CASQ2: variants seen among roughly 807,000 people sequenced by gnomAD.
CASQ2 encodes calsequestrin-2.
Under a neutral mutation model 46.5 loss-of-function variants are expected in CASQ2, and 49 were observed. That is an observed-to-expected ratio of 1.05 (90% CI 0.84 to 1.34). The LOEUF is 1.34. Among genes scored for constraint, CASQ2 ranks in the 40% most tolerant of loss-of-function variants. CASQ2 has a pLI of 0.00. For missense variants in CASQ2, 486 were observed against 481.3 expected (o/e 1.01, Z -0.09); for synonymous variants, 174 against 168.5 (o/e 1.03, Z -0.25).
At chr1:115,735,183 A>C (rs1402155720) in intron 4 of CASQ2, among the ~76,000 whole-genome samples, 1 of 152,248 alleles carries the variant, frequency 6.6e-6, no homozygotes, top group Non-Finnish European at 1.5e-5. Context: ...TTTGCCTGTG[A>C]ATCTGCATTC....
At chr1:115,740,324 C>T (rs1260628358) in intron 3 of CASQ2, among the ~76,000 whole-genome samples, 2 of 152,178 alleles carry the variant, frequency 1.3e-5, no homozygotes, top group African/African-American at 4.8e-5. Flanking sequence ...CTATGTTGCT[C>T]TGAGGGTGGC....
At chr1:115,732,403 T>C (rs1647819920) in intron 5 of CASQ2, among the ~76,000 whole-genome samples, 1 of 152,216 alleles carries the variant, frequency 6.6e-6, no homozygotes, top group African/African-American at 2.4e-5. Flanking sequence ...ATCATATACA[T>C]GAACTGAATG....
chr1:115,724,474 T>C (rs144992621), intron 7 of CASQ2, among the ~76,000 whole-genome samples: 4 of 152,286 alleles, frequency 2.6e-5, no homozygotes, highest in Non-Finnish European at 4.4e-5. Flanking sequence ...GACTAATTAA[T>C]AATACTTGTT....
chr1:115,732,369 G>A (rs1199919859), intron 5 of CASQ2, among the ~76,000 whole-genome samples: 1 of 152,184 alleles, frequency 6.6e-6, no homozygotes, highest in Non-Finnish European at 1.5e-5. Flanking sequence ...CTTGAAGACT[G>A]GGCCATGTCT....
chr1:115,724,451 C>T (rs72993504), intron 7 of CASQ2, among the ~76,000 whole-genome samples: 7,161 of 152,210 alleles, frequency 0.047, 565 homozygotes, highest in African/African-American at 0.16. Context: ...TACAGGCGTG[C>T]CCCACTATGC....
intron 1 of CASQ2, among the ~76,000 whole-genome samples, chr1:115,746,815 A>G (rs980043596): frequency 8.5e-5 from 13 of 152,158 alleles, no homozygotes; most frequent in Admixed American, 8.5e-4. Flanking sequence ...ATAATTGTAC[A>G]TATCCATAGG....
intron 8 of CASQ2, among the ~76,000 whole-genome samples, chr1:115,705,556 A>G (rs1654333617): frequency 6.6e-6 from 1 of 152,242 alleles, no homozygotes; most frequent in South Asian, 2.1e-4. Context: ...TTCATTTGTG[A>G]AAACTGCCCA....
chr1:115,726,141 C>T (rs1462011285), intron 6 of CASQ2, among the ~76,000 whole-genome samples: 1 of 152,144 alleles, frequency 6.6e-6, no homozygotes, highest in Non-Finnish European at 1.5e-5. Flanking sequence ...TAGGACTGTC[C>T]AGGTGAGGGG....
intron 4 of CASQ2, among the ~76,000 whole-genome samples, chr1:115,735,332 G>A (rs376931421): frequency 1.6e-4 from 25 of 152,234 alleles, no homozygotes; most frequent in Admixed American, 7.2e-4. Flanking sequence ...GGTTAACTGC[G>A]CAAGAATTTT....
chr1:115,703,667 T>C (rs1046821988), intron 9 of CASQ2, among the ~76,000 whole-genome samples: 2 of 152,184 alleles, frequency 1.3e-5, no homozygotes, highest in East Asian at 3.9e-4. Context: ...TGGTGGCTCA[T>C]GCTTGTAGTC....
Position 115,765,254 on chromosome 1 carries a change from A to G in CASQ2, c.234+3054T>C, listed in dbSNP as rs1365532761. On this transcript the variant is annotated intron_variant, in intron 1 of 10. Coordinates refer to ENST00000261448, the MANE Select transcript of CASQ2 (RefSeq NM_001232.4). The stretch of plus-strand genomic sequence containing the variant: ...CCACAGCATCTATCCCAGGGCCCCA[A>G]CAAAAATTAGGTGGCAGATGCATGA... Among the ~76,000 whole-genome samples, 4 of 152,312 alleles carry G rather than the reference A, an allele frequency of 2.6e-5. No homozygotes were observed. The South Asian group carries it at 6.2e-4, about 24-fold the overall frequency.
At chr1:115,727,228 A>T (rs533529221) in intron 5 of CASQ2, 106 bp from the exon 6 acceptor site, 2 of 872,904 alleles carry the variant, frequency 2.3e-6, no homozygotes, top group Admixed American at 3.9e-5. Flanking sequence ...AAGACATAAA[A>T]ACAGATGTAC....
chr1:115,741,764 T>C (rs984957119), intron 2 of CASQ2, among the ~76,000 whole-genome samples: 1 of 152,222 alleles, frequency 6.6e-6, no homozygotes, highest in Non-Finnish European at 1.5e-5. Context: ...CAAATGCTTG[T>C]TGGAAAAATG....
chr1:115,733,258 A>C (rs961441811), intron 4 of CASQ2, among the ~76,000 whole-genome samples: 1 of 152,158 alleles, frequency 6.6e-6, no homozygotes, highest in Non-Finnish European at 1.5e-5. Flanking sequence ...AGGAAAAGAG[A>C]GAGAAAAAGA....
intron 2 of CASQ2, among the ~76,000 whole-genome samples, chr1:115,743,687 ATCTTT>A (rs1162828125): frequency 1.2e-5 from 1 of 81,648 alleles, no homozygotes; most frequent in Non-Finnish European, 3.1e-5. Context: ...GCCACCACTA[ATCTTT>A]TTTTTTTTTT....
intron 1 of CASQ2, among the ~76,000 whole-genome samples, chr1:115,762,585 T>C (rs1310659889): frequency 6.6e-6 from 1 of 152,168 alleles, no homozygotes; most frequent in Non-Finnish European, 1.5e-5. Flanking sequence ...GAATATAAAA[T>C]GAAAAGTGCC....
At chr1:115,752,613 G>A (rs1205042978) in intron 1 of CASQ2, among the ~76,000 whole-genome samples, 1 of 152,148 alleles carries the variant, frequency 6.6e-6, no homozygotes, top group Non-Finnish European at 1.5e-5. Context: ...GGGGTGTGCA[G>A]GAGAACAGGC....
chr1:115,726,800 G>A (rs1002306293), intron 6 of CASQ2, among the ~76,000 whole-genome samples, 192 bp downstream of exon 6: 1 of 152,174 alleles, frequency 6.6e-6, no homozygotes, highest in Non-Finnish European at 1.5e-5. Flanking sequence ...GCTTGCAGGT[G>A]CAGACTTAGA....
chr1:115,704,982 C>T (rs1035947798), intron 9 of CASQ2, among the ~76,000 whole-genome samples: 1 of 152,222 alleles, frequency 6.6e-6, no homozygotes, highest in Admixed American at 6.5e-5. Flanking sequence ...TTTTCAACTC[C>T]TGGACTCCAG....
Sources: allele counts gnomAD v4.1 joint callset (sites outside exome capture counted in the v4.1 genomes callset), GRCh38; gene constraint gnomAD v4.1.1; transcripts MANE v1.5; gene names NCBI Gene and HGNC (gene_info 2026-07-23, HGNC 2026-07-21).